The following FBXO28 variants were observed in gnomAD, a reference collection of about 807,000 sequenced individuals.
FBXO28 encodes F-box protein 28.
Under a neutral mutation model 38.1 loss-of-function variants are expected in FBXO28, and 8 were observed. The observed-to-expected ratio is 0.21, with a 90% CI of 0.12 to 0.38. The LOEUF (loss-of-function observed/expected upper bound fraction) is 0.38, where lower values mean the gene tolerates loss of function less well. FBXO28 is among the 10% of genes least tolerant of loss of function. The pLI, the probability that FBXO28 is intolerant of heterozygous loss-of-function variation, is 1.00. For missense variants in FBXO28, 345 were observed against 460.6 expected, an observed-to-expected ratio of 0.75 and a Z score of 2.30; for synonymous variants, 168 against 173.8, an observed-to-expected ratio of 0.97 and a Z score of 0.26.
At position 224,125,402 on chromosome 1, in the gene FBXO28, G is replaced by T. The variant is rs143661253; in HGVS notation, c.268-5070G>T. 9.9e-5 allele frequency among the ~76,000 whole-genome samples: 15 copies of T among 152,058 alleles called. No homozygotes were observed. In the East Asian group the frequency reaches 1.5e-3, roughly 16 times the overall value. ...CTTTTAATTATAAATGTCAGTTGAG[G>T]CTCCATTTATAGGCCTTTTTCTCTT... On this transcript the variant is annotated intron_variant, in intron 1 of 4. Coordinates refer to ENST00000366862, the MANE Select transcript of FBXO28 (RefSeq NM_015176.4).
At chr1:224,131,802 TAAGC>T (rs1020798624) in intron 2 of FBXO28, among the ~76,000 whole-genome samples, 49 of 152,238 alleles carry the variant, frequency 3.2e-4, no homozygotes, top group African/African-American at 1.2e-3. Context: ...AAGAAAAAAT[TAAGC>T]AAATTGGACT....
At chr1:224,115,533 T>C (rs1008333505) in intron 1 of FBXO28, among the ~76,000 whole-genome samples, 2 of 152,236 alleles carry the variant, frequency 1.3e-5, no homozygotes, top group Non-Finnish European at 2.9e-5. Flanking sequence ...AGAGAACTTA[T>C]AAATATTAAT....
rs145292456 is a variant in FBXO28 at position 224,161,534 on chromosome 1, C to G, written c.*3788C>G. On this transcript the variant is annotated 3_prime_UTR_variant, in exon 5 of 5. Coordinates refer to ENST00000366862, the MANE Select transcript of FBXO28 (RefSeq NM_015176.4). ...TACACAAAAGGTTAAGTTAAAACTA[C>G]TTTAAACTTGTATAGCCTGCCATCT... The G allele has an allele frequency of 6.6e-6, 1 of 152,312 alleles. No individual in the cohort carries two copies. The highest frequency in any genetic ancestry group is 6.5e-5 in the Admixed American group (1 of 15,296). The allele number at this position is 152,312 out of a possible 1,614,324, so 9.4% of individuals were successfully genotyped here. A position where few individuals can be genotyped will look rare whatever the true frequency, so the allele number is the denominator to read the frequency against.
intron 3 of FBXO28, among the ~76,000 whole-genome samples, chr1:224,145,606 G>A (rs113496970): frequency 7.6e-4 from 116 of 152,170 alleles, no homozygotes; most frequent in African/African-American, 2.4e-3. Flanking sequence ...GCACATAACC[G>A]TATTCAAACA....
chr1:224,130,259 T>C (rs573879235), intron 1 of FBXO28, among the ~76,000 whole-genome samples: 1 of 150,580 alleles, frequency 6.6e-6, no homozygotes, highest in South Asian at 2.1e-4. Flanking sequence ...GGAGAATCGC[T>C]TGAACCTGGG....
chr1:224,157,571 G>A lies in FBXO28; in HGVS notation c.932G>A (p.Gly311Asp). The change falls in exon 5 of 5, where the codon GGT (glycine) becomes GAT (aspartate). Residue 311 changes from glycine to aspartate, a missense_variant. By Grantham distance (94) the Gly-to-Asp change is moderately conservative. Transcript: ENST00000366862. ...CTGCTAGAGCAGACCCAGATCATAGGTGAACAAAATGCACGGTTGGCAGAG... is the reference window on the plus strand; with the variant it reads ...CTGCTAGAGCAGACCCAGATCATAGATGAACAAAATGCACGGTTGGCAGAG... ...QKLLEQTQII[G>D]EQNARLAELE... 1 of 1,614,242 alleles carries A rather than the reference G, an allele frequency of 6.2e-7. No individual in the cohort carries two copies.
chr1:224,138,827 A>G (rs1385716603), intron 3 of FBXO28, among the ~76,000 whole-genome samples: 1 of 151,404 alleles, frequency 6.6e-6, no homozygotes, highest in Non-Finnish European at 1.5e-5. Context: ...CAATCCACCC[A>G]CCTCAGCCTC....
At chr1:224,124,861 G>C (rs1656868460) in intron 1 of FBXO28, among the ~76,000 whole-genome samples, 1 of 152,126 alleles carries the variant, frequency 6.6e-6, no homozygotes. Flanking sequence ...CCAAGTAGCT[G>C]GGATTACAGG....
chr1:224,115,277 C>T (rs1027250339), intron 1 of FBXO28, among the ~76,000 whole-genome samples: 1 of 152,102 alleles, frequency 6.6e-6, no homozygotes, highest in Non-Finnish European at 1.5e-5. Context: ...ATTTTGCTGC[C>T]TTTCAATGAA....
chr1:224,155,594 A>G (rs1657755188), intron 4 of FBXO28, among the ~76,000 whole-genome samples: 1 of 152,254 alleles, frequency 6.6e-6, no homozygotes, highest in Non-Finnish European at 1.5e-5. Context: ...AGACTAAATT[A>G]TTTAATGTCC....
chr1:224,122,451 T>C (rs1317563476), intron 1 of FBXO28, among the ~76,000 whole-genome samples: 1 of 152,218 alleles, frequency 6.6e-6, no homozygotes, highest in East Asian at 1.9e-4. Flanking sequence ...GGATTTAACA[T>C]TACAGTTTGT....
At chr1:224,143,155 G>A (rs1382263327) in intron 3 of FBXO28, among the ~76,000 whole-genome samples, 2 of 150,092 alleles carry the variant, frequency 1.3e-5, no homozygotes, top group African/African-American at 4.9e-5. Context: ...GGAGATGGAG[G>A]TTGCAGTGAG....
chr1:224,156,589 T>A (rs1235211095), intron 4 of FBXO28, among the ~76,000 whole-genome samples: 1 of 152,226 alleles, frequency 6.6e-6, no homozygotes, highest in Non-Finnish European at 1.5e-5. Flanking sequence ...AGCATCATGT[T>A]GGTGCTCAAG....
At chr1:224,114,874 T>A (rs1233120380) in intron 1 of FBXO28, among the ~76,000 whole-genome samples, 1 of 152,226 alleles carries the variant, frequency 6.6e-6, no homozygotes, top group East Asian at 1.9e-4. Flanking sequence ...CCACCCAAGT[T>A]TTCTTGTTCG....
At chr1:224,126,721 A>G (rs1281917841) in intron 1 of FBXO28, among the ~76,000 whole-genome samples, 1 of 152,154 alleles carries the variant, frequency 6.6e-6, no homozygotes, top group African/African-American at 2.4e-5. Flanking sequence ...GAGGCAGGAG[A>G]ATCGCTTGAA....
chr1:224,153,367 A>T (rs532954596), intron 4 of FBXO28, 30 bp downstream of exon 4: 3 of 1,498,268 alleles, frequency 2.0e-6, no homozygotes, highest in African/African-American at 1.4e-5. Flanking sequence ...ATGCTTGTAC[A>T]TAATTTTGTA....
At chr1:224,123,270 G>A (rs554121239) in intron 1 of FBXO28, among the ~76,000 whole-genome samples, 19 of 151,642 alleles carry the variant, frequency 1.3e-4, no homozygotes, top group African/African-American at 3.1e-4. Context: ...CCAGCTGGGC[G>A]CAGTGGTTCA....
At chr1:224,148,958 C>T (rs1024359056) in intron 3 of FBXO28, among the ~76,000 whole-genome samples, 10 of 152,210 alleles carry the variant, frequency 6.6e-5, no homozygotes, top group Non-Finnish European at 1.3e-4. Flanking sequence ...GAACTTATTA[C>T]AGTCTGAGTT....
intron 2 of FBXO28, among the ~76,000 whole-genome samples, chr1:224,133,856 T>C (rs2102618863): frequency 6.6e-6 from 1 of 152,022 alleles, no homozygotes; most frequent in South Asian, 2.1e-4. Context: ...TAATTTGTTT[T>C]GTTTGTTTTC....
Sources: gnomAD v4.1 joint callset for allele counts (sites outside exome capture counted in the v4.1 genomes callset) on GRCh38, gnomAD v4.1.1 for gene constraint, MANE v1.5 for transcripts, NCBI Gene and HGNC (gene_info 2026-07-23, HGNC 2026-07-21) for gene names.